PANK2: variants seen among roughly 807,000 people sequenced by gnomAD.
PANK2 encodes the protein pantothenate kinase 2, also known as pantothenate kinase 2, mitochondrial.
PANK2 carries 36 observed loss-of-function variants against 43.1 expected under a neutral mutation model. The ratio of observed to expected loss-of-function variants is 0.84; its 90% CI spans 0.64 to 1.10. PANK2 has a LOEUF of 1.10. Ranked by LOEUF, PANK2 falls within the 50% of genes least tolerant of loss-of-function variation. The probability of loss-of-function intolerance (pLI) is 0.00; values close to 1 mark genes in which losing one functional copy is unlikely to be tolerated. For missense variants in PANK2, 576 were observed against 593.3 expected (o/e 0.97, Z 0.30); for synonymous variants, 281 against 238.2 (o/e 1.18, Z -1.66).
In PANK2 at chr20:3,917,314, C is replaced by T. The variant is rs71647849; in HGVS notation, c.1206+264C>T. 0.017 allele frequency among the ~76,000 whole-genome samples: 2,653 copies of T among 151,892 alleles called. 85 individuals carry two copies. The highest frequency in any genetic ancestry group is 0.061 in the African/African-American group (2,526 of 41,394). ...GAAGAGTGGAAGGTAGCCAGTGTTC[C>T]AGATATTGGGGACTGTTGGGGGTGA... On this transcript the variant is annotated intron_variant, in intron 5 of 6. Transcript: ENST00000610179.
chr20:3,910,494 CGTA>C (rs960405408), intron 2 of PANK2, 80 bp from the exon 3 acceptor site: 38 of 1,463,960 alleles, frequency 2.6e-5, no homozygotes, highest in Middle Eastern at 3.5e-4. Context: ...GGTTGTTTCA[CGTA>C]GTGGGGATGC....
chr20:3,926,844 G>C lies in PANK2; in HGVS notation c.*3550G>C, dbSNP rs2090727690. The C allele has an allele frequency of 6.6e-6, 1 of 150,774 alleles. No individual in the cohort carries two copies. The highest frequency in any genetic ancestry group is 1.5e-5 in the Non-Finnish European group (1 of 68,020). 9.3% of individuals were successfully genotyped at this position (150,774 alleles called of 1,614,324 possible). A position where few individuals can be genotyped will look rare whatever the true frequency, so the allele number is the denominator to read the frequency against. On this transcript the variant is annotated 3_prime_UTR_variant, in exon 7 of 7. Transcript: ENST00000610179. ...TGTAATCCCAGGTACTCGAGAGGCT[G>C]AGGCAGACAGTTGCTTGAACCTGGG...
chr20:3,901,869 C>T (rs968700559), intron 1 of PANK2, among the ~76,000 whole-genome samples: 2 of 151,886 alleles, frequency 1.3e-5, no homozygotes, highest in Non-Finnish European at 1.5e-5. Context: ...AATCATTTTC[C>T]TTATAACTTT....
Position 3,913,191 on chromosome 20 carries a change from TTA to T in PANK2, c.1082+559_1082+560del, listed in dbSNP as rs2090496635. 2.6e-5 allele frequency among the ~76,000 whole-genome samples: 4 copies of T among 152,198 alleles called. No individual in the cohort carries two copies. In the East Asian group the frequency reaches 7.7e-4, roughly 29 times the overall value. On this transcript the variant is annotated intron_variant, in intron 4 of 6. Coordinates refer to ENST00000610179, the MANE Select transcript of PANK2 (RefSeq NM_001386393.1). ...CCCACAGCCCCTGCCAAACAGTAAT[TTA>T]TTTTCAATGTAGGTTTGCCTCTTCT...
At chr20:3,921,215 G>A (rs1364599925) in intron 6 of PANK2, 1 of 144,990 alleles carries the variant, frequency 6.9e-6, no homozygotes, top group Non-Finnish European at 1.5e-5. Context: ...CCCACCCCAT[G>A]GCAGGCCCTG....
In PANK2 at chr20:3,923,307, G is replaced by A. The variant is rs1168155570; in HGVS notation, c.*13G>A. The A allele has an allele frequency of 6.2e-7, 1 of 1,613,960 alleles. No individual in the cohort carries two copies. Among genetic ancestry groups the A allele is most frequent in the Non-Finnish European group, 8.5e-7 (1 of 1,179,944 alleles). On this transcript the variant is annotated 3_prime_UTR_variant, in exon 7 of 7. Transcript: ENST00000610179. ...GAAGATCCCGTGATCATTACCTGGG[G>A]AGGGGTTCCTGAAACCTTCCACAAT...
At chr20:3,897,638 G>A (rs2090231326) in intron 1 of PANK2, among the ~76,000 whole-genome samples, 1 of 151,984 alleles carries the variant, frequency 6.6e-6, no homozygotes, top group Non-Finnish European at 1.5e-5. Context: ...GCTGCAGTGA[G>A]CCTGAACCTG....
intron 1 of PANK2, among the ~76,000 whole-genome samples, chr20:3,905,141 A>G (rs2146851678): frequency 7.4e-6 from 1 of 135,198 alleles, no homozygotes; most frequent in African/African-American, 2.7e-5. Context: ...TGTGCCAAAC[A>G]CATTTCCCCA....
chr20:3,911,677 A>C (rs537532091), intron 3 of PANK2, among the ~76,000 whole-genome samples: 3 of 151,832 alleles, frequency 2.0e-5, no homozygotes, highest in Admixed American at 2.0e-4. Flanking sequence ...GGATCACCAG[A>C]GGTCGGGAGT....
rs186120051 is a variant in PANK2, at chr20:3,916,465, C to G, written c.1083-462C>G. Among the ~76,000 whole-genome samples the G allele has an allele frequency of 1.3e-3, 193 of 152,284 alleles. 2 individuals carry two copies. Among genetic ancestry groups the G allele is most frequent in the African/African-American group, 4.4e-3 (184 of 41,560 alleles). On this transcript the variant is annotated intron_variant, in intron 4 of 6. Coordinates refer to ENST00000610179, the MANE Select transcript of PANK2 (RefSeq NM_001386393.1). ...GAAGTACTTTATCTTCTAGGGAAAC[C>G]TGAAATTCTTAAGCAGCTCACTCTG... is the stretch of plus-strand genomic sequence containing the variant.
chr20:3,920,735 C>G (rs1162698019), intron 6 of PANK2, among the ~76,000 whole-genome samples: 1 of 151,862 alleles, frequency 6.6e-6, no homozygotes, highest in Admixed American at 6.6e-5. Flanking sequence ...ATCCCAGCTA[C>G]TTGGGAGGCT....
chr20:3,924,463 AC>A lies in PANK2; in HGVS notation c.*1172del, dbSNP rs1173582270. 6.6e-6 allele frequency: 1 copy of A among 152,354 alleles called. No individual in the cohort carries two copies. Among genetic ancestry groups the A allele is most frequent in the Non-Finnish European group, 1.5e-5 (1 of 68,202 alleles). 9.4% of individuals were successfully genotyped at this position (152,354 alleles called of 1,614,324 possible). A position where few individuals can be genotyped will look rare whatever the true frequency, so the allele number is the denominator to read the frequency against. ...CCAGCCGCATGGAGGCAGCAGAGAC[AC>A]CCGTGTTCCAGCTGGGGCAAGGGGA... On this transcript the variant is annotated 3_prime_UTR_variant, in exon 7 of 7. Transcript: ENST00000610179.
At chr20:3,888,950 A>T, upstream of PANK2, 7 of 571,794 alleles carry the variant, frequency 1.2e-5, no homozygotes, top group South Asian at 8.7e-5. Flanking sequence ...ACCAGCGGCC[A>T]GACGCTGCGG....
At chr20:3,907,860 C>T in intron 1 of PANK2, 66 bp from the exon 2 acceptor site, 1 of 1,394,480 alleles carries the variant, frequency 7.2e-7, no homozygotes, top group African/African-American at 1.4e-5. Context: ...TAAGTTGCTA[C>T]TGTGGTAAGG....
Position 3,889,553 on chromosome 20 carries a change from G to T in PANK2, c.123G>T (p.Ala41=). 7.0e-7 allele frequency: 1 copy of T among 1,422,760 alleles called. No homozygotes were observed. The highest frequency in any genetic ancestry group is 9.1e-7 in the Non-Finnish European group (1 of 1,099,692). The allele number at this position is 1,422,760 out of a possible 1,614,324, so 88.1% of individuals were successfully genotyped here. A position where few individuals can be genotyped will look rare whatever the true frequency, so the allele number is the denominator to read the frequency against. ...CCGTCTCGTCGGCTGGGGAGCAGGCGGCCGGGGACCCCGAAGGGCGGCGGC... is the reference window on the plus strand; with the variant it reads ...CCGTCTCGTCGGCTGGGGAGCAGGCTGCCGGGGACCCCGAAGGGCGGCGGC... The change falls in exon 1 of 7, where the codon GCG becomes GCT. Residue 41 remains alanine, a synonymous_variant. Transcript: ENST00000610179.
intron 2 of PANK2, among the ~76,000 whole-genome samples, chr20:3,910,266 T>C (rs145193144): frequency 1.3e-5 from 2 of 152,222 alleles, no homozygotes; most frequent in African/African-American, 2.4e-5. Context: ...GAGATCTGAA[T>C]TTCTGTTTGA....
intron 1 of PANK2, chr20:3,890,072 C>T (rs1441896527): frequency 3.6e-5 from 21 of 589,056 alleles, no homozygotes; most frequent in South Asian, 3.1e-4. Flanking sequence ...TTTCCACCTC[C>T]TTTCCTCCCA....
At position 3,928,747 on chromosome 20, in the gene PANK2, C is replaced by CAAAAAAAA. The variant is rs528166005; in HGVS notation, c.*5478_*5485dup. The CAAAAAAAA allele has an allele frequency of 4.6e-4, 26 of 56,858 alleles. No homozygotes were observed. Among genetic ancestry groups the CAAAAAAAA allele is most frequent in the South Asian group, 1.4e-3 (2 of 1,386 alleles). The allele number at this position is 56,858 out of a possible 1,614,324, so 3.5% of individuals were successfully genotyped here. A position where few individuals can be genotyped will look rare whatever the true frequency, so the allele number is the denominator to read the frequency against. ...TGGGTGACAGAGCGAGACTCCGTCT[C>CAAAAAAAA]AAAAAAAAAAAAAAAAAAAAAAAAA... On this transcript the variant is annotated 3_prime_UTR_variant, in exon 7 of 7. Transcript: ENST00000610179.
At chr20:3,909,266 G>A (rs545078762) in intron 2 of PANK2, among the ~76,000 whole-genome samples, 1 of 152,258 alleles carries the variant, frequency 6.6e-6, no homozygotes, top group Non-Finnish European at 1.5e-5. Context: ...TTTTAGTAGA[G>A]ACAGGGTTTC....
Sources: allele counts gnomAD v4.1 joint callset (sites outside exome capture counted in the v4.1 genomes callset), GRCh38; gene constraint gnomAD v4.1.1; transcripts MANE v1.5; gene names NCBI Gene and HGNC (gene_info 2026-07-23, HGNC 2026-07-21).